The following ZNF850 variants were observed in gnomAD, a reference collection of about 807,000 sequenced individuals.
ZNF850 encodes the protein putative zinc finger protein ENSP00000330994.
In ZNF850, 2 loss-of-function variants were observed where a neutral mutation model predicts 11.9. The ratio of observed to expected loss-of-function variants is 0.17; its 90% CI spans 0.07 to 0.53. The LOEUF (loss-of-function observed/expected upper bound fraction) is 0.53. ZNF850 is among the 20% of genes least tolerant of loss of function. The pLI, the probability that ZNF850 is intolerant of heterozygous loss-of-function variation, is 0.94. For missense variants in ZNF850, 1,014 were observed against 1,316.4 expected, an observed-to-expected ratio of 0.77 and a Z score of 3.55; for synonymous variants, 381 against 443.0, an observed-to-expected ratio of 0.86 and a Z score of 1.76.
At chr19:36,764,386 G>A (rs1319586964) in intron 1 of ZNF850, among the ~76,000 whole-genome samples, 1 of 152,220 alleles carries the variant, frequency 6.6e-6, no homozygotes, top group Non-Finnish European at 1.5e-5. Flanking sequence ...TCAGACACTT[G>A]AGCATTAGGC....
At chr19:36,757,021 C>A (rs936278969) in intron 4 of ZNF850, among the ~76,000 whole-genome samples, 1 of 152,142 alleles carries the variant, frequency 6.6e-6, no homozygotes, top group African/African-American at 2.4e-5. Context: ...AGCAGACAGT[C>A]CAAAAAGTGA....
intron 1 of ZNF850, among the ~76,000 whole-genome samples, chr19:36,768,896 A>T (rs2040563812): frequency 6.6e-6 from 1 of 150,642 alleles, no homozygotes; most frequent in Non-Finnish European, 1.5e-5. Flanking sequence ...CTGGAGGTCA[A>T]GGCTGCAGTA....
At chr19:36,764,725 C>CTT (rs35367899) in intron 1 of ZNF850, among the ~76,000 whole-genome samples, 138 of 126,802 alleles carry the variant, frequency 1.1e-3, no homozygotes, top group African/African-American at 2.6e-3. Flanking sequence ...TTTCCTTTCC[C>CTT]TTTTTTTTTT....
At chr19:36,766,358 A>C (rs2040549610) in intron 1 of ZNF850, among the ~76,000 whole-genome samples, 3 of 152,342 alleles carry the variant, frequency 2.0e-5, no homozygotes, top group Admixed American at 1.3e-4. Flanking sequence ...AGAAAAAAGA[A>C]GAGAGAAAAT....
chr19:36,749,820 C>T lies in ZNF850; in HGVS notation c.1220G>A (p.Gly407Glu). ...ECGKSFTFRS[G>E]LIGHQAIHTG... is the part of the protein sequence containing the mutation. ...GTGAATTGCCTGGTGTCCAATTAAC[C>T]CTGAGCGAAAAGTAAAAGATTTCCC... Residue 407 changes from glycine to glutamate, a missense_variant, in exon 5 of 5, where the codon GGG (glycine) becomes GAG (glutamate). By Grantham distance (98) the Gly-to-Glu change is moderately conservative. Transcript: ENST00000591344. The T allele has an allele frequency of 1.9e-6, 3 of 1,546,138 alleles. No individual in the cohort carries two copies. The highest frequency in any genetic ancestry group is 2.6e-6 in the Non-Finnish European group (3 of 1,152,342).
intron 4 of ZNF850, among the ~76,000 whole-genome samples, chr19:36,752,178 G>A (rs981151806): frequency 6.6e-6 from 1 of 152,176 alleles, no homozygotes; most frequent in African/African-American, 2.4e-5. Flanking sequence ...ATCCATTGAA[G>A]CCTTAGAAAC....
At chr19:36,755,370 G>A (rs536864598) in intron 4 of ZNF850, among the ~76,000 whole-genome samples, 41 of 152,166 alleles carry the variant, frequency 2.7e-4, no homozygotes, top group Admixed American at 1.3e-3. Context: ...GGGATTACAG[G>A]CATGCAACAC....
intron 1 of ZNF850, among the ~76,000 whole-genome samples, chr19:36,766,790 G>A (rs562955539): frequency 6.6e-6 from 1 of 152,148 alleles, no homozygotes; most frequent in Non-Finnish European, 1.5e-5. Flanking sequence ...AAAAAATTGG[G>A]GAACTGTGTC....
intron 4 of ZNF850, among the ~76,000 whole-genome samples, chr19:36,759,274 G>C (rs1038371237): frequency 5.9e-5 from 9 of 152,032 alleles, no homozygotes; most frequent in African/African-American, 2.2e-4. Flanking sequence ...AGGAGTTCCA[G>C]ACCAGCCCGT....
rs1172308443 is a variant in ZNF850 at position 36,772,750 on chromosome 19, G to C, written c.-95C>G. 6.6e-6 allele frequency: 1 copy of C among 152,538 alleles called. No homozygotes were observed. Among genetic ancestry groups the C allele is most frequent in the Non-Finnish European group, 1.5e-5 (1 of 68,312 alleles). The allele number at this position is 152,538 out of a possible 1,614,324, so 9.4% of individuals were successfully genotyped here. On this transcript the variant is annotated 5_prime_UTR_variant, in exon 1 of 5. Coordinates refer to ENST00000591344, the MANE Select transcript of ZNF850 (RefSeq NM_001193552.2). Reference sequence around the variant, plus strand: ...CCTCAGCATTCTCTGGTTCCGCTCGGGGCCAGCCTAGCCAAGTTCCTCAGG... The same window carrying C: ...CCTCAGCATTCTCTGGTTCCGCTCGCGGCCAGCCTAGCCAAGTTCCTCAGG...
At chr19:36,765,863 C>T (rs1421079633) in intron 1 of ZNF850, among the ~76,000 whole-genome samples, 1 of 151,870 alleles carries the variant, frequency 6.6e-6, no homozygotes, top group Non-Finnish European at 1.5e-5. Flanking sequence ...GGATTACAGG[C>T]GTGAGCCACC....
chr19:36,748,556 T>C lies in ZNF850; in HGVS notation c.2484A>G (p.Leu828=), dbSNP rs1343316782. Residue 828 remains leucine, a synonymous_variant, in exon 5 of 5, where the codon CTA becomes CTG. Transcript: ENST00000591344. ...CGKSFTLRSA[L]IQHRPVHTGE... Reference sequence around the variant, plus strand: ...CAGTGTGAACTGGCCGATGTTGAATTAGTGCTGAGCGAAGAGTAAAAGATT... The same window carrying C: ...CAGTGTGAACTGGCCGATGTTGAATCAGTGCTGAGCGAAGAGTAAAAGATT... 6.5e-7 allele frequency: 1 copy of C among 1,537,032 alleles called. No homozygotes were observed. Among genetic ancestry groups the C allele is most frequent in the African/African-American group, 1.4e-5 (1 of 72,990 alleles).
chr19:36,757,874 T>C (rs893489160), intron 4 of ZNF850, among the ~76,000 whole-genome samples: 11 of 152,084 alleles, frequency 7.2e-5, no homozygotes, highest in African/African-American at 2.7e-4. Flanking sequence ...CGGGCTGGAA[T>C]GCAGTGGTGC....
chr19:36,754,220 T>A (rs2040471917), intron 4 of ZNF850, among the ~76,000 whole-genome samples: 2 of 146,452 alleles, frequency 1.4e-5, no homozygotes, highest in Admixed American at 6.8e-5. Context: ...ATAAGGAATG[T>A]AAACAAAGAA....
chr19:36,750,364 C>T lies in ZNF850; in HGVS notation c.676G>A (p.Ala226Thr), dbSNP rs2040446144. Residue 226 changes from alanine to threonine, a missense_variant, in exon 5 of 5, where the codon GCA becomes ACA. By Grantham distance (58) the Ala-to-Thr change is moderately conservative. Transcript: ENST00000591344. ...AAAGCTTTTCCATATTCTTTACATGCACAGGGCTTTTCCCCAGTATGAATT... is the reference window on the plus strand; with the variant it reads ...AAAGCTTTTCCATATTCTTTACATGTACAGGGCTTTTCCCCAGTATGAATT... ...QRIHTGEKPC[A>T]CKEYGKAFIS... 3.9e-6 allele frequency: 6 copies of T among 1,536,462 alleles called. No homozygotes were observed. Among genetic ancestry groups the T allele is most frequent in the East Asian group, 2.4e-5 (1 of 40,914 alleles).
rs549143410 is a variant in ZNF850 at position 36,762,505 on chromosome 19, G to C, written c.13-74C>G. On this transcript the variant is annotated intron_variant, in intron 2 of 4. Coordinates refer to ENST00000591344, the MANE Select transcript of ZNF850 (RefSeq NM_001193552.2). ...TTAAGATGAAGGAAGAGATGGAAGG[G>C]TGCTGAAGGATGGAGAGAATACAGT... is the stretch of plus-strand genomic sequence containing the variant. 1.2e-4 allele frequency: 190 copies of C among 1,534,866 alleles called. 1 individual carries two copies. In the Middle Eastern group the frequency reaches 2.0e-3, roughly 16 times the overall value.
At chr19:36,765,483 T>G (rs1198136864) in intron 1 of ZNF850, among the ~76,000 whole-genome samples, 1 of 152,188 alleles carries the variant, frequency 6.6e-6, no homozygotes, top group African/African-American at 2.4e-5. Flanking sequence ...TTTTAAAGCT[T>G]TATATTTCCT....
chr19:36,764,761 C>A (rs2040539896), intron 1 of ZNF850, among the ~76,000 whole-genome samples: 1 of 132,450 alleles, frequency 7.6e-6, no homozygotes, highest in Admixed American at 8.9e-5. Context: ...CAGTCTCGCT[C>A]TGTCGCCCAG....
chr19:36,750,890 G>GA, intron 4 of ZNF850, 86 bp from the exon 5 acceptor site: 1 of 1,311,956 alleles, frequency 7.6e-7, no homozygotes, highest in Non-Finnish European at 1.0e-6. Flanking sequence ...GAGACAAACT[G>GA]AAAATAATGT....
Sources: gnomAD v4.1 joint callset for allele counts (sites outside exome capture counted in the v4.1 genomes callset) on GRCh38, gnomAD v4.1.1 for gene constraint, MANE v1.5 for transcripts, NCBI Gene and HGNC (gene_info 2026-07-23, HGNC 2026-07-21) for gene names.